RGS6: variants seen among roughly 807,000 people sequenced by gnomAD.
RGS6 encodes the protein regulator of G-protein signaling 6.
RGS6 carries 30 observed loss-of-function variants against 78.5 expected under a neutral mutation model. The observed-to-expected ratio is 0.38, with a 90% CI of 0.29 to 0.52. The LOEUF is 0.52. RGS6 is among the 20% of genes least tolerant of loss of function. The pLI, the probability that RGS6 is intolerant of heterozygous loss-of-function variation, is 0.85. For missense variants in RGS6, 495 were observed against 609.7 expected, an observed-to-expected ratio of 0.81 and a Z score of 1.98; for synonymous variants, 206 against 206.0, an observed-to-expected ratio of 1.00 and a Z score of 0.00.
intron 15 of RGS6, among the ~76,000 whole-genome samples, chr14:72,533,290 G>T (rs995802535): frequency 6.6e-6 from 1 of 152,174 alleles, no homozygotes; most frequent in African/African-American, 2.4e-5. Context: ...AATACTTTAA[G>T]GCCACTGTTG....
At chr14:72,463,871 A>C (rs2153266680) in intron 6 of RGS6, among the ~76,000 whole-genome samples, 1 of 152,350 alleles carries the variant, frequency 6.6e-6, no homozygotes, top group South Asian at 2.1e-4. Flanking sequence ...ACAGTGAAGC[A>C]CTATAGCTGC....
chr14:72,577,655 C>T, the RGS6 span, among the ~76,000 whole-genome samples: 1 of 152,192 alleles, frequency 6.6e-6, no homozygotes, highest in Non-Finnish European at 1.5e-5. Flanking sequence ...CCACATGCTG[C>T]TGGAAGCTCT....
chr14:72,483,693 C>G (rs2096429203), intron 12 of RGS6, among the ~76,000 whole-genome samples: 1 of 151,992 alleles, frequency 6.6e-6, no homozygotes, highest in Non-Finnish European at 1.5e-5. Flanking sequence ...CCTCCTTTCT[C>G]CTAGCCTGTT....
At chr14:72,455,626 G>C (rs964425922) in intron 4 of RGS6, among the ~76,000 whole-genome samples, 1 of 152,098 alleles carries the variant, frequency 6.6e-6, no homozygotes, top group Admixed American at 6.5e-5. Flanking sequence ...CTTGATTAGT[G>C]GCTACTCTCA....
intron 2 of RGS6, among the ~76,000 whole-genome samples, chr14:72,306,559 A>G (rs2067288180): frequency 6.6e-6 from 1 of 152,242 alleles, no homozygotes; most frequent in Non-Finnish European, 1.5e-5. Flanking sequence ...GAGGAGGCCA[A>G]AATTTCAACA....
At chr14:71,880,490 C>G in the RGS6 span, among the ~76,000 whole-genome samples, 2 of 152,310 alleles carry the variant, frequency 1.3e-5, no homozygotes, top group Non-Finnish European at 2.9e-5. Flanking sequence ...CCTAGGATCC[C>G]TCTGCTGTTG....
chr14:72,103,665 G>T (rs1176246354), intron 2 of RGS6, among the ~76,000 whole-genome samples: 3 of 152,160 alleles, frequency 2.0e-5, no homozygotes, highest in African/African-American at 7.2e-5. Context: ...AATTGTGAAA[G>T]GTTTCTTACC....
intron 2 of RGS6, among the ~76,000 whole-genome samples, chr14:72,135,379 CTAAAGA>C (rs973026343): frequency 6.6e-6 from 1 of 152,114 alleles, no homozygotes; most frequent in Non-Finnish European, 1.5e-5. Context: ...TGGGGCTCCC[CTAAAGA>C]TAAAGGAACT....
chr14:71,962,846 T>A (rs182367189), intron 1 of RGS6, among the ~76,000 whole-genome samples: 3 of 152,370 alleles, frequency 2.0e-5, no homozygotes, highest in Non-Finnish European at 4.4e-5. Flanking sequence ...TTTTATGGAA[T>A]GACCTTTGGT....
At chr14:72,095,336 C>G (rs2095378351) in intron 2 of RGS6, among the ~76,000 whole-genome samples, 1 of 151,982 alleles carries the variant, frequency 6.6e-6, no homozygotes, top group Admixed American at 6.6e-5. Context: ...TGTCAGAGAC[C>G]CAGTTTCTTT....
chr14:72,387,285 G>A (rs1287734405), intron 3 of RGS6, among the ~76,000 whole-genome samples: 2 of 152,110 alleles, frequency 1.3e-5, no homozygotes, highest in African/African-American at 4.8e-5. Flanking sequence ...CGCGGTGGCT[G>A]GCGCGCCTAA....
chr14:72,309,440 A>C (rs368277411), intron 2 of RGS6, among the ~76,000 whole-genome samples: 1 of 152,334 alleles, frequency 6.6e-6, no homozygotes, highest in African/African-American at 2.4e-5. Flanking sequence ...CAGATAAGTG[A>C]GTGAGTGGAT....
chr14:72,457,624 C>T (rs1360573951), intron 4 of RGS6, among the ~76,000 whole-genome samples: 1 of 151,910 alleles, frequency 6.6e-6, no homozygotes, highest in Non-Finnish European at 1.5e-5. Context: ...ATGGCTGGTG[C>T]CAAAGGAACG....
intron 3 of RGS6, among the ~76,000 whole-genome samples, chr14:72,379,864 A>G (rs528310225): frequency 1.3e-5 from 2 of 152,322 alleles, no homozygotes; most frequent in African/African-American, 4.8e-5. Context: ...AGCCAAGGCA[A>G]TCCTCAGCGA....
At chr14:72,152,239 A>AGTGT (rs1435930109) in intron 2 of RGS6, among the ~76,000 whole-genome samples, 20 of 142,544 alleles carry the variant, frequency 1.4e-4, no homozygotes, top group African/African-American at 5.3e-4. Context: ...AGAGAGAGAG[A>AGTGT]GAGAGAGTGT....
chr14:72,517,696 G>C (rs2096969037), intron 14 of RGS6, among the ~76,000 whole-genome samples: 2 of 152,206 alleles, frequency 1.3e-5, no homozygotes, highest in African/African-American at 4.8e-5. Context: ...ATGTGAATTG[G>C]CTCAGTTTCT....
At chr14:72,244,091 A>C (rs1248694236) in intron 2 of RGS6, among the ~76,000 whole-genome samples, 1 of 152,192 alleles carries the variant, frequency 6.6e-6, no homozygotes, top group Non-Finnish European at 1.5e-5. Flanking sequence ...ATACGGAGTC[A>C]ACCTGAGATT....
intron 2 of RGS6, among the ~76,000 whole-genome samples, chr14:72,303,375 C>T (rs1187348778): frequency 2.0e-5 from 3 of 152,128 alleles, no homozygotes; most frequent in Non-Finnish European, 4.4e-5. Flanking sequence ...ATGGCATGTG[C>T]CTATAATCCC....
the RGS6 span, among the ~76,000 whole-genome samples, chr14:71,887,081 C>T: frequency 2.0e-5 from 3 of 152,112 alleles, no homozygotes; most frequent in Non-Finnish European, 4.4e-5. Context: ...GGACCCCAAA[C>T]GGAGGGACCA....
Sources: allele counts gnomAD v4.1 joint callset (sites outside exome capture counted in the v4.1 genomes callset), GRCh38; gene constraint gnomAD v4.1.1; transcripts MANE v1.5; gene names NCBI Gene and HGNC (gene_info 2026-07-23, HGNC 2026-07-21).